The following HSD17B11 variants were observed in gnomAD, a reference collection of about 807,000 sequenced individuals.
HSD17B11 encodes hydroxysteroid 17-beta dehydrogenase 11.
Under a neutral mutation model 27.8 loss-of-function variants are expected in HSD17B11, and 22 were observed. That is an observed-to-expected ratio of 0.79 (90% CI 0.56 to 1.13). The LOEUF (loss-of-function observed/expected upper bound fraction) is 1.13. HSD17B11 is among the 50% of genes most tolerant of loss of function. The probability of loss-of-function intolerance (pLI) is 0.00; values close to 1 mark genes in which losing one functional copy is unlikely to be tolerated. For synonymous variants in HSD17B11, 117 were observed against 132.8 expected (o/e 0.88, Z 0.82); for missense variants, 314 against 351.1 (o/e 0.89, Z 0.84).
At chr4:87,389,218 TTTAA>T (rs1433289540) in intron 1 of HSD17B11, among the ~76,000 whole-genome samples, 1 of 151,960 alleles carries the variant, frequency 6.6e-6, no homozygotes, top group Non-Finnish European at 1.5e-5. Flanking sequence ...ATTAATTTAA[TTTAA>T]TTAATTTATT....
At chr4:87,354,424 A>C (rs1735342539) in intron 5 of HSD17B11, among the ~76,000 whole-genome samples, 1 of 151,836 alleles carries the variant, frequency 6.6e-6, no homozygotes, top group African/African-American at 2.4e-5. Flanking sequence ...AGTTCAATTG[A>C]GTTCAAGGAG....
At chr4:87,374,092 AG>A (rs1159955560) in intron 3 of HSD17B11, among the ~76,000 whole-genome samples, 10 of 152,160 alleles carry the variant, frequency 6.6e-5, no homozygotes, top group African/African-American at 2.2e-4. Flanking sequence ...TGGGAGGCTG[AG>A]GCAGGCGGAT....
At chr4:87,379,484 TTATATAATATATATTATATATACA>T (rs1294666339) in intron 2 of HSD17B11, among the ~76,000 whole-genome samples, 3 of 147,028 alleles carry the variant, frequency 2.0e-5, no homozygotes, top group Non-Finnish European at 3.0e-5. Flanking sequence ...TATATTTATA[TTATATAATATATATTATATATACA>T]TATATAATAT....
chr4:87,391,025 C>T lies in HSD17B11; in HGVS notation c.46G>A (p.Val16Ile), dbSNP rs371570675. ...DILLLLPLLIVCSLESFVKLF... is the reference protein window; with the variant it reads ...DILLLLPLLIICSLESFVKLF... ...TTCACGAAGGACTCTAGGGAGCAGA[C>T]GATCAGTAACGGGAGAAGCAGGAGG... is the stretch of plus-strand genomic sequence containing the variant. The change falls in exon 1 of 7, where the codon GTC (valine) becomes ATC (isoleucine). Residue 16 changes from valine (V) to isoleucine (I), a missense_variant. By Grantham distance (29) the Val-to-Ile change is conservative. Coordinates refer to ENST00000358290, the MANE Select transcript of HSD17B11 (RefSeq NM_016245.5). 3.1e-6 allele frequency: 5 copies of T among 1,613,606 alleles called. No individual in the cohort carries two copies. The African/African-American group carries it at 5.3e-5, about 17-fold the overall frequency.
At chr4:87,364,577 TC>T in intron 4 of HSD17B11, among the ~76,000 whole-genome samples, 1 of 152,250 alleles carries the variant, frequency 6.6e-6, no homozygotes, top group Admixed American at 6.5e-5. Flanking sequence ...TAAGGCAACA[TC>T]CTCACCCCTC....
chr4:87,373,748 C>A (rs1208893065), intron 3 of HSD17B11, among the ~76,000 whole-genome samples: 1 of 151,978 alleles, frequency 6.6e-6, no homozygotes, highest in Non-Finnish European at 1.5e-5. Flanking sequence ...TATATTTGAA[C>A]AAACACAAAA....
chr4:87,357,949 A>T (rs74425860), intron 4 of HSD17B11, among the ~76,000 whole-genome samples: 9,234 of 80,484 alleles, frequency 0.11, 632 homozygotes, highest in East Asian at 0.35. Flanking sequence ...CATTAGAGAA[A>T]TTTTTTTTTT....
chr4:87,380,624 C>T (rs369582206), intron 2 of HSD17B11, among the ~76,000 whole-genome samples: 43 of 150,476 alleles, frequency 2.9e-4, no homozygotes, highest in African/African-American at 1.0e-3. Flanking sequence ...TTTTGGAGGC[C>T]GAGGGAGCAG....
At chr4:87,377,181 G>A (rs1263698656) in intron 2 of HSD17B11, among the ~76,000 whole-genome samples, 3 of 152,066 alleles carry the variant, frequency 2.0e-5, no homozygotes, top group Non-Finnish European at 2.9e-5. Flanking sequence ...GCCGGGCACA[G>A]TGGCTCACAC....
intron 6 of HSD17B11, among the ~76,000 whole-genome samples, chr4:87,338,200 G>C (rs1297531464): frequency 6.6e-6 from 1 of 152,084 alleles, no homozygotes; most frequent in Admixed American, 6.5e-5. Flanking sequence ...CTGGGCGACA[G>C]AGCGAGACTC....
intron 2 of HSD17B11, among the ~76,000 whole-genome samples, chr4:87,378,960 A>ATAT (rs1720051475): frequency 7.8e-5 from 2 of 25,626 alleles, no homozygotes; most frequent in Non-Finnish European, 1.3e-4. Context: ...ATATATATAT[A>ATAT]TTTTTTTTTT....
At chr4:87,386,228 A>C (rs1436811973) in intron 1 of HSD17B11, among the ~76,000 whole-genome samples, 1 of 147,080 alleles carries the variant, frequency 6.8e-6, no homozygotes, top group Non-Finnish European at 1.5e-5. Flanking sequence ...TCTGAGATGG[A>C]GTCTCGCTCT....
chr4:87,378,853 T>C (rs986880158), intron 2 of HSD17B11, among the ~76,000 whole-genome samples: 931 of 23,256 alleles, frequency 0.04, 206 homozygotes, highest in South Asian at 0.063. Context: ...TAAATATATA[T>C]ATAAATATAT....
At chr4:87,379,326 C>T (rs1246442601) in intron 2 of HSD17B11, among the ~76,000 whole-genome samples, 3 of 151,052 alleles carry the variant, frequency 2.0e-5, no homozygotes, top group Admixed American at 6.6e-5. Flanking sequence ...TTATTTGCCT[C>T]TTCTAGATAC....
intron 4 of HSD17B11, among the ~76,000 whole-genome samples, chr4:87,361,239 C>A (rs897497681): frequency 6.6e-6 from 1 of 152,130 alleles, no homozygotes. Context: ...AAAATGGCCA[C>A]AAAAGTGACC....
intron 4 of HSD17B11, among the ~76,000 whole-genome samples, chr4:87,367,093 T>C (rs1735624686): frequency 1.3e-5 from 2 of 152,232 alleles, no homozygotes; most frequent in Admixed American, 1.3e-4. Flanking sequence ...TGGAAACCAA[T>C]TGTAAGTATT....
chr4:87,341,858 C>A (rs568024864), intron 5 of HSD17B11, among the ~76,000 whole-genome samples: 11 of 150,088 alleles, frequency 7.3e-5, no homozygotes, highest in African/African-American at 2.7e-4. Context: ...AGAGCTAGAC[C>A]CTGTCTCTAA....
chr4:87,377,823 G>T (rs188490150), intron 2 of HSD17B11, among the ~76,000 whole-genome samples: 81 of 152,334 alleles, frequency 5.3e-4, no homozygotes, highest in East Asian at 9.6e-4. Context: ...TGAGGGAAAA[G>T]TGGCAAATAG....
At chr4:87,371,763 A>G (rs1471121213) in intron 4 of HSD17B11, among the ~76,000 whole-genome samples, 1 of 152,238 alleles carries the variant, frequency 6.6e-6, no homozygotes, top group Non-Finnish European at 1.5e-5. Context: ...TGAGTTGAAG[A>G]TAACTGTGGC....
Sources: gnomAD v4.1 joint callset for allele counts (sites outside exome capture counted in the v4.1 genomes callset) on GRCh38, gnomAD v4.1.1 for gene constraint, MANE v1.5 for transcripts, NCBI Gene and HGNC (gene_info 2026-07-23, HGNC 2026-07-21) for gene names.